HSPBAP1: variants seen among roughly 807,000 people sequenced by gnomAD.
HSPBAP1 encodes the protein HSPB1 associated protein 1.
Under a neutral mutation model 45.2 loss-of-function variants are expected in HSPBAP1, and 27 were observed. That is an observed-to-expected ratio of 0.60 (90% CI 0.44 to 0.82). The LOEUF is 0.82. Ranked by LOEUF, HSPBAP1 falls within the 40% of genes least tolerant of loss-of-function variation. The pLI, the probability that HSPBAP1 is intolerant of heterozygous loss-of-function variation, is 0.00. For missense variants in HSPBAP1, 510 were observed against 590.9 expected (o/e 0.86, Z 1.42); for synonymous variants, 204 against 202.7 (o/e 1.01, Z -0.06).
At chr3:122,793,583 T>G (rs1560180051) in intron 1 of HSPBAP1, 34 bp downstream of exon 1, 4 of 1,606,232 alleles carry the variant, frequency 2.5e-6, no homozygotes, top group Non-Finnish European at 2.6e-6. Context: ...GCATTGGGTT[T>G]GTACTCAGGG....
At chr3:122,792,939 G>A (rs1466628808) in intron 1 of HSPBAP1, among the ~76,000 whole-genome samples, 1 of 151,812 alleles carries the variant, frequency 6.6e-6, no homozygotes, top group African/African-American at 2.4e-5. Flanking sequence ...GCTCCTTGAA[G>A]CATTTATGTT....
intron 1 of HSPBAP1, among the ~76,000 whole-genome samples, chr3:122,789,835 G>T (rs189861038): frequency 6.7e-6 from 1 of 149,354 alleles, no homozygotes; most frequent in Non-Finnish European, 1.5e-5. Flanking sequence ...CTAATCACCC[G>T]CAACCCTATG....
intron 3 of HSPBAP1, among the ~76,000 whole-genome samples, chr3:122,766,679 A>G (rs559475082): frequency 1.3e-5 from 2 of 152,336 alleles, no homozygotes; most frequent in Admixed American, 1.3e-4. Flanking sequence ...GAGAGTCCCA[A>G]CAGGACCGAA....
Position 122,740,794 on chromosome 3 carries a change from C to G in HSPBAP1, c.1018G>C (p.Glu340Gln). The part of the protein sequence containing the change: ...SAFFDRCRTS[E>Q]VVEIQALRTD... ...CTCAGTGCTTGGATTTCTACTACCT[C>G]AGATGTTCTGCAGCGATCAAAAAAT... is the stretch of plus-strand genomic sequence containing the variant. Residue 340 changes from glutamate to glutamine, a missense_variant, in exon 8 of 8, where the codon GAG becomes CAG. Transcript: ENST00000306103. The G allele has an allele frequency of 6.2e-7, 1 of 1,614,116 alleles. No individual in the cohort carries two copies. The highest frequency in any genetic ancestry group is 8.5e-7 in the Non-Finnish European group (1 of 1,180,054).
At chr3:122,741,168 G>T in intron 6 of HSPBAP1, 55 bp from the exon 7 acceptor site, 1 of 1,236,578 alleles carries the variant, frequency 8.1e-7, no homozygotes, top group Non-Finnish European at 1.2e-6. Flanking sequence ...CTTTTTAAGA[G>T]ATAATAAAGT....
chr3:122,791,845 G>A (rs924310120), intron 1 of HSPBAP1, among the ~76,000 whole-genome samples: 4 of 152,164 alleles, frequency 2.6e-5, no homozygotes, highest in Non-Finnish European at 5.9e-5. Flanking sequence ...TAACTTCTAA[G>A]GGCAATGTAA....
In HSPBAP1 at chr3:122,752,740, C is replaced by T. The variant is rs1207981347; in HGVS notation, c.742-66G>A. 6 of 1,457,388 alleles carry T rather than the reference C, an allele frequency of 4.1e-6. No homozygotes were observed. The Admixed American group carries it at 1.2e-4, about 29-fold the overall frequency. 90.3% of individuals were successfully genotyped at this position (1,457,388 alleles called of 1,614,324 possible). ...GTTTCATTTTTATGTCAGAATCAGA[C>T]CCTAATTGAGGCTGCTAGGAAAAAA... On this transcript the variant is annotated intron_variant, in intron 5 of 7. Coordinates refer to ENST00000306103, the MANE Select transcript of HSPBAP1 (RefSeq NM_024610.6).
chr3:122,787,273 T>C (rs565938437), intron 1 of HSPBAP1, among the ~76,000 whole-genome samples: 1 of 152,354 alleles, frequency 6.6e-6, no homozygotes, highest in Admixed American at 6.5e-5. Flanking sequence ...TGCGTCCTTC[T>C]CAGTAATTTT....
chr3:122,792,421 AATG>A (rs934032283), intron 1 of HSPBAP1, among the ~76,000 whole-genome samples: 1 of 152,180 alleles, frequency 6.6e-6, no homozygotes, highest in Non-Finnish European at 1.5e-5. Flanking sequence ...TGGAAAGATC[AATG>A]CAATGGAGGT....
chr3:122,767,753 A>C (rs1175702237), intron 3 of HSPBAP1, among the ~76,000 whole-genome samples: 1 of 152,208 alleles, frequency 6.6e-6, no homozygotes, highest in Non-Finnish European at 1.5e-5. Context: ...TCTTGACTCA[A>C]CATAAAAAAG....
chr3:122,776,364 T>C (rs1935193083), intron 2 of HSPBAP1, among the ~76,000 whole-genome samples: 1 of 152,238 alleles, frequency 6.6e-6, no homozygotes, highest in Non-Finnish European at 1.5e-5. Context: ...TCCTTTTTTT[T>C]GTGCTTAAGT....
intron 5 of HSPBAP1, chr3:122,753,409 T>C: frequency 3.1e-6 from 3 of 974,368 alleles, no homozygotes; most frequent in Non-Finnish European, 3.7e-6. Context: ...TTTTATCTGG[T>C]AGGCACTAGG....
rs556716625 is a variant in HSPBAP1 at position 122,743,637 on chromosome 3, AATTGCTGGGTC to A, written c.826-2535_826-2525del. On this transcript the variant is annotated intron_variant, in intron 6 of 7. Transcript: ENST00000306103. ...TTCTTGGGTATACACCTAGGAATGG[AATTGCTGGGTC>A]ATATGGTATATCAGTCAAGGTTCTC... Among the ~76,000 whole-genome samples the A allele has an allele frequency of 3.4e-3, 511 of 152,310 alleles. 3 individuals carry two copies. The highest frequency in any genetic ancestry group is 0.01 in the African/African-American group (435 of 41,566).
At chr3:122,757,196 T>C (rs1222036130) in intron 4 of HSPBAP1, among the ~76,000 whole-genome samples, 1 of 152,230 alleles carries the variant, frequency 6.6e-6, no homozygotes, top group African/African-American at 2.4e-5. Context: ...GATCTCCTGC[T>C]TTAAAAACTT....
At chr3:122,742,950 T>C (rs1362351790) in intron 6 of HSPBAP1, among the ~76,000 whole-genome samples, 2 of 152,224 alleles carry the variant, frequency 1.3e-5, no homozygotes, top group Non-Finnish European at 2.9e-5. Context: ...GTAGACATCA[T>C]GTAAAGATAT....
At chr3:122,746,937 AGTCTCG>A (rs1933889189) in intron 6 of HSPBAP1, among the ~76,000 whole-genome samples, 1 of 151,856 alleles carries the variant, frequency 6.6e-6, no homozygotes, top group South Asian at 2.1e-4. Context: ...TTGCAGACGG[AGTCTCG>A]TTCACTCAGT....
At chr3:122,782,653 C>G (rs1234711074) in intron 1 of HSPBAP1, among the ~76,000 whole-genome samples, 3 of 152,116 alleles carry the variant, frequency 2.0e-5, no homozygotes, top group Non-Finnish European at 4.4e-5. Flanking sequence ...TACTCTCTGA[C>G]CCTCAAAATA....
intron 2 of HSPBAP1, among the ~76,000 whole-genome samples, chr3:122,774,320 A>T (rs539069134): frequency 3.9e-5 from 6 of 152,346 alleles, no homozygotes; most frequent in Middle Eastern, 3.4e-3. Flanking sequence ...TTAAGCTAAG[A>T]TCTGACAGAA....
rs117464118 is a variant in HSPBAP1, at chr3:122,763,630, G to A, written c.433-4270C>T. 7.6e-4 allele frequency among the ~76,000 whole-genome samples: 116 copies of A among 152,270 alleles called. No individual in the cohort carries two copies. In the East Asian group the frequency reaches 0.021, roughly 28 times the overall value. ...ATAATTTTGATCTCAAAGATCCTCT[G>A]AAAGGGTGTCAGGGACCCCCAGGGG... is the stretch of plus-strand genomic sequence containing the variant. On this transcript the variant is annotated intron_variant, in intron 3 of 7. Coordinates refer to ENST00000306103, the MANE Select transcript of HSPBAP1 (RefSeq NM_024610.6).
Sources: allele counts gnomAD v4.1 joint callset (sites outside exome capture counted in the v4.1 genomes callset), GRCh38; gene constraint gnomAD v4.1.1; transcripts MANE v1.5; gene names NCBI Gene and HGNC (gene_info 2026-07-23, HGNC 2026-07-21).